Variants in SORCS2 observed in about 807,000 individuals in gnomAD.
The protein encoded by SORCS2 is VPS10 domain-containing receptor SorCS2.
Under a neutral mutation model 141.6 loss-of-function variants are expected in SORCS2, and 100 were observed. The ratio of observed to expected loss-of-function variants is 0.71; its 90% CI spans 0.60 to 0.83. The LOEUF (loss-of-function observed/expected upper bound fraction) is 0.83. Among genes scored for constraint, SORCS2 ranks in the 40% least tolerant of loss-of-function variants. The pLI is 0.00. For synonymous variants in SORCS2, 789 were observed against 676.9 expected, an observed-to-expected ratio of 1.17 and a Z score of -2.57; for missense variants, 1,646 against 1,560.2, an observed-to-expected ratio of 1.05 and a Z score of -0.93.
intron 2 of SORCS2, among the ~76,000 whole-genome samples, chr4:7,444,332 A>G (rs1435096080): frequency 1.3e-5 from 2 of 152,112 alleles, no homozygotes; most frequent in Non-Finnish European, 2.9e-5. Context: ...GTGATGAGTG[A>G]GGTGGAGAGG....
chr4:7,273,146 G>A (rs1034780589), intron 1 of SORCS2, among the ~76,000 whole-genome samples: 2 of 152,232 alleles, frequency 1.3e-5, no homozygotes, highest in African/African-American at 2.4e-5. Flanking sequence ...AGCTTCCAAT[G>A]AGGCCCCTCA....
intron 23 of SORCS2, among the ~76,000 whole-genome samples, chr4:7,730,336 TG>T (rs796758569): frequency 2.7e-4 from 41 of 152,320 alleles, no homozygotes; most frequent in African/African-American, 9.6e-4. Flanking sequence ...AGGGTTCAGC[TG>T]CTGTGCAAAA....
intron 3 of SORCS2, among the ~76,000 whole-genome samples, chr4:7,577,671 A>G: frequency 6.7e-6 from 1 of 148,580 alleles, no homozygotes; most frequent in East Asian, 2.0e-4. Context: ...GTCATATAGC[A>G]TACAGGTGAG....
At chr4:7,355,538 A>G (rs989914212) in intron 1 of SORCS2, among the ~76,000 whole-genome samples, 3 of 152,042 alleles carry the variant, frequency 2.0e-5, no homozygotes, top group Admixed American at 6.6e-5. Flanking sequence ...AGGTGCCTTC[A>G]CCGCGTGGCT....
At chr4:7,290,986 A>G (rs1376713067) in intron 1 of SORCS2, among the ~76,000 whole-genome samples, 3 of 152,104 alleles carry the variant, frequency 2.0e-5, no homozygotes, top group African/African-American at 4.8e-5. Context: ...TAGAAGGGAG[A>G]CAGTCCTGGG....
At chr4:7,436,483 C>A (rs111811878) in intron 2 of SORCS2, among the ~76,000 whole-genome samples, 89 of 152,344 alleles carry the variant, frequency 5.8e-4, no homozygotes, top group African/African-American at 2.0e-3. Flanking sequence ...ACCCCCACGG[C>A]GCTGCCTTGG....
chr4:7,239,368 C>G (rs1712525988), intron 1 of SORCS2, among the ~76,000 whole-genome samples: 1 of 152,276 alleles, frequency 6.6e-6, no homozygotes, highest in African/African-American at 2.4e-5. Flanking sequence ...AGCTCCCCTG[C>G]TGGTCTCTAT....
intron 6 of SORCS2, among the ~76,000 whole-genome samples, chr4:7,662,507 G>T (rs1577913082): frequency 6.6e-6 from 1 of 152,178 alleles, no homozygotes; most frequent in African/African-American, 2.4e-5. Context: ...ACCAGTGGGG[G>T]CTACTGATCA....
At chr4:7,194,313 G>T (rs1179241308) in intron 1 of SORCS2, among the ~76,000 whole-genome samples, 3 of 152,200 alleles carry the variant, frequency 2.0e-5, no homozygotes, top group African/African-American at 7.2e-5. Context: ...GCCAGGAAAG[G>T]GCATAATCTG....
At chr4:7,583,917 G>C (rs892670325) in intron 3 of SORCS2, among the ~76,000 whole-genome samples, 2 of 152,216 alleles carry the variant, frequency 1.3e-5, no homozygotes, top group Non-Finnish European at 2.9e-5. Flanking sequence ...AGGAAGACCA[G>C]AGTCCTGCCT....
At chr4:7,358,384 G>A (rs1002363113) in intron 1 of SORCS2, among the ~76,000 whole-genome samples, 4 of 152,212 alleles carry the variant, frequency 2.6e-5, no homozygotes, top group Admixed American at 6.5e-5. Flanking sequence ...AGAGGTTAGC[G>A]TTAGTTCCCA....
intron 3 of SORCS2, among the ~76,000 whole-genome samples, chr4:7,535,287 C>T (rs1359584466): frequency 1.3e-5 from 2 of 152,214 alleles, no homozygotes; most frequent in Non-Finnish European, 2.9e-5. Flanking sequence ...CCTGATGCTG[C>T]AGGAACTGCT....
In SORCS2 at chr4:7,606,317, A is replaced by G. The variant is rs543332878; in HGVS notation, c.649-32011A>G. 5.9e-5 allele frequency among the ~76,000 whole-genome samples: 9 copies of G among 152,232 alleles called. No individual in the cohort carries two copies. In the East Asian group the frequency reaches 1.4e-3, roughly 23 times the overall value. On this transcript the variant is annotated intron_variant, in intron 3 of 26. Transcript: ENST00000507866. Reference sequence around the variant, plus strand: ...TTTTAGCGATGGAGAATATCCACTCAAACCCATTTGACTGTGGATTGCATT... The same window carrying G: ...TTTTAGCGATGGAGAATATCCACTCGAACCCATTTGACTGTGGATTGCATT...
intron 11 of SORCS2, among the ~76,000 whole-genome samples, chr4:7,690,323 G>T (rs914252989): frequency 1.4e-5 from 2 of 144,900 alleles, no homozygotes; most frequent in Non-Finnish European, 1.5e-5. Context: ...TGGTGGATAG[G>T]TGGACGGGTG....
intron 1 of SORCS2, among the ~76,000 whole-genome samples, chr4:7,322,182 C>A (rs1340991179): frequency 6.6e-6 from 1 of 152,050 alleles, no homozygotes; most frequent in Non-Finnish European, 1.5e-5. Flanking sequence ...AAGCCCCACC[C>A]CCACATGGCC....
At chr4:7,564,721 C>T (rs1325246491) in intron 3 of SORCS2, among the ~76,000 whole-genome samples, 1 of 152,228 alleles carries the variant, frequency 6.6e-6, no homozygotes, top group African/African-American at 2.4e-5. Context: ...GTGCTTGTTT[C>T]CACGGCAGCC....
At chr4:7,466,198 T>C (rs1729604831) in intron 2 of SORCS2, among the ~76,000 whole-genome samples, 1 of 152,178 alleles carries the variant, frequency 6.6e-6, no homozygotes, top group African/African-American at 2.4e-5. Flanking sequence ...TGATGAGAAC[T>C]TCAGGGCAGG....
chr4:7,723,287 C>T (rs561110484), intron 18 of SORCS2, among the ~76,000 whole-genome samples: 1 of 152,246 alleles, frequency 6.6e-6, no homozygotes, highest in African/African-American at 2.4e-5. Context: ...CAGATGTGTT[C>T]CTCTCCCCTG....
intron 1 of SORCS2, among the ~76,000 whole-genome samples, chr4:7,298,498 G>A (rs1238715661): frequency 1.3e-5 from 2 of 152,202 alleles, no homozygotes; most frequent in African/African-American, 2.4e-5. Flanking sequence ...CCCAGGCAAG[G>A]GTAGAACTAC....
Sources: gnomAD v4.1 joint callset for allele counts (sites outside exome capture counted in the v4.1 genomes callset) on GRCh38, gnomAD v4.1.1 for gene constraint, MANE v1.5 for transcripts, NCBI Gene and HGNC (gene_info 2026-07-23, HGNC 2026-07-21) for gene names.